Variants in AMBRA1 observed in about 807,000 individuals in gnomAD.
AMBRA1 encodes the protein autophagy and beclin 1 regulator 1.
Under a neutral mutation model 125.4 loss-of-function variants are expected in AMBRA1, and 47 were observed. The ratio of observed to expected loss-of-function variants is 0.37; its 90% CI spans 0.30 to 0.48. AMBRA1 has a LOEUF of 0.48. AMBRA1 is among the 20% of genes least tolerant of loss of function. The pLI, the probability that AMBRA1 is intolerant of heterozygous loss-of-function variation, is 0.99. For synonymous variants in AMBRA1, 626 were observed against 655.5 expected (o/e 0.95, Z 0.69); for missense variants, 1,331 against 1,693.4 (o/e 0.79, Z 3.76).
chr11:46,480,516 C>T (rs1176331469), intron 11 of AMBRA1, among the ~76,000 whole-genome samples: 1 of 152,202 alleles, frequency 6.6e-6, no homozygotes, highest in Non-Finnish European at 1.5e-5. Context: ...GGTTGTGCAA[C>T]CCTCATCCCA....
At chr11:46,496,445 A>G (rs1950633990) in intron 9 of AMBRA1, among the ~76,000 whole-genome samples, 1 of 152,202 alleles carries the variant, frequency 6.6e-6, no homozygotes, top group Admixed American at 6.5e-5. Context: ...GTCAAATCTA[A>G]TTATTCCACA....
intron 11 of AMBRA1, among the ~76,000 whole-genome samples, chr11:46,483,720 T>C (rs541844681): frequency 1.7e-4 from 26 of 152,176 alleles, no homozygotes; most frequent in African/African-American, 4.8e-4. Flanking sequence ...ACCAATATGG[T>C]GAAACCCCAT....
At chr11:46,445,935 A>G (rs752557139) in intron 11 of AMBRA1, among the ~76,000 whole-genome samples, 3 of 152,224 alleles carry the variant, frequency 2.0e-5, no homozygotes, top group Non-Finnish European at 4.4e-5. Flanking sequence ...CAAACAGGAA[A>G]ACAGTTAAGG....
intron 12 of AMBRA1, among the ~76,000 whole-genome samples, chr11:46,440,847 C>T (rs1219240107): frequency 2.0e-5 from 3 of 152,164 alleles, no homozygotes; most frequent in Admixed American, 2.0e-4. Flanking sequence ...GGAAATGCCA[C>T]AGACAGAGAA....
chr11:46,417,893 C>G lies in AMBRA1; in HGVS notation c.3116+20G>C. Reference sequence around the variant, plus strand: ...CTCGGCCCCAGTGATCCCTCAACCCCCACACTTTAAGCCACTTACTCTGGT... The same window carrying G: ...CTCGGCCCCAGTGATCCCTCAACCCGCACACTTTAAGCCACTTACTCTGGT... On this transcript the variant is annotated intron_variant, in intron 15 of 17. Transcript: ENST00000683756. The G allele has an allele frequency of 6.3e-7, 1 of 1,593,232 alleles. No homozygotes were observed. The highest frequency in any genetic ancestry group is 8.6e-7 in the Non-Finnish European group (1 of 1,165,180).
At chr11:46,449,914 C>T (rs985098692) in intron 11 of AMBRA1, among the ~76,000 whole-genome samples, 57 of 152,062 alleles carry the variant, frequency 3.7e-4, no homozygotes, top group Admixed American at 1.3e-4. Context: ...CAAAAATTAG[C>T]GGGGCGTGGT....
chr11:46,462,089 C>T (rs1394118460), intron 11 of AMBRA1, among the ~76,000 whole-genome samples: 2 of 152,256 alleles, frequency 1.3e-5, no homozygotes, highest in East Asian at 3.9e-4. Flanking sequence ...AAATTTCTAG[C>T]TTTTACAAGA....
rs73467929 is a variant in AMBRA1, at chr11:46,503,138, C to T, written c.2339+5053G>A. Among the ~76,000 whole-genome samples, 233 of 149,414 alleles carry T rather than the reference C, an allele frequency of 1.6e-3. 2 individuals are homozygous for T. The highest frequency in any genetic ancestry group is 5.5e-3 in the African/African-American group (224 of 40,580). On this transcript the variant is annotated intron_variant, in intron 9 of 17. Transcript: ENST00000683756. ...CTTGGCTGTTTATAGCAGAAGAGGA[C>T]TAGCTTCTGGCCTATCTCAAGTTTC...
intron 9 of AMBRA1, among the ~76,000 whole-genome samples, chr11:46,498,801 C>A (rs568792398): frequency 6.6e-6 from 1 of 152,206 alleles, no homozygotes; most frequent in African/African-American, 2.4e-5. Flanking sequence ...GTCCTCTTGA[C>A]AGTATACAGT....
chr11:46,459,624 T>C (rs1167025798), intron 11 of AMBRA1, among the ~76,000 whole-genome samples: 1 of 151,426 alleles, frequency 6.6e-6, no homozygotes, highest in African/African-American at 2.4e-5. Flanking sequence ...GGCAGGAGAA[T>C]TGCTCGGACC....
chr11:46,520,807 G>A (rs1319320773), intron 7 of AMBRA1, among the ~76,000 whole-genome samples: 1 of 149,900 alleles, frequency 6.7e-6, no homozygotes, highest in Non-Finnish European at 1.5e-5. Flanking sequence ...GGGTTTCACT[G>A]TGTTAGCCAG....
At chr11:46,589,987 G>A (rs748199294) in intron 1 of AMBRA1, among the ~76,000 whole-genome samples, 8 of 152,008 alleles carry the variant, frequency 5.3e-5, no homozygotes, top group Non-Finnish European at 1.2e-4. Flanking sequence ...GTTTGGATTT[G>A]ATATTAATAA....
chr11:46,470,511 C>A (rs1362989679), intron 11 of AMBRA1, among the ~76,000 whole-genome samples: 1 of 150,916 alleles, frequency 6.6e-6, no homozygotes, highest in African/African-American at 2.5e-5. Flanking sequence ...ATGGCGTGAA[C>A]CCGGGAGGCA....
intron 1 of AMBRA1, among the ~76,000 whole-genome samples, chr11:46,576,144 A>G (rs2043954054): frequency 6.6e-6 from 1 of 152,208 alleles, no homozygotes; most frequent in South Asian, 2.1e-4. Flanking sequence ...AAGATAAGGA[A>G]GACATCCCTG....
intron 8 of AMBRA1, among the ~76,000 whole-genome samples, chr11:46,508,613 G>C (rs1951149601): frequency 6.6e-6 from 1 of 152,214 alleles, no homozygotes; most frequent in South Asian, 2.1e-4. Context: ...CATCTTCTGA[G>C]GAAAAGCTGC....
chr11:46,585,159 CGTTAAGAGT>C (rs1396340546), intron 1 of AMBRA1, among the ~76,000 whole-genome samples: 2 of 151,918 alleles, frequency 1.3e-5, no homozygotes, highest in African/African-American at 4.8e-5. Flanking sequence ...GCAGCATGCT[CGTTAAGAGT>C]CATCACCACT....
intron 1 of AMBRA1, among the ~76,000 whole-genome samples, chr11:46,567,274 T>G (rs938999411): frequency 2.6e-5 from 4 of 152,116 alleles, no homozygotes. Flanking sequence ...GTTTCACCAT[T>G]TTGGCCAGAC....
Position 46,397,366 on chromosome 11 carries a change from T to C in AMBRA1, c.*84A>G. On this transcript the variant is annotated 3_prime_UTR_variant, in exon 18 of 18. Transcript: ENST00000683756. ...TGTTCCCTGATGCAGCCAGCAGCTC[T>C]TCCACATGTCCAGTTCCCAGTCAGC... The C allele has an allele frequency of 7.1e-7, 1 of 1,408,134 alleles. No individual in the cohort carries two copies. Among genetic ancestry groups the C allele is most frequent in the South Asian group, 1.9e-5 (1 of 51,914 alleles). 87.2% of individuals were successfully genotyped at this position (1,408,134 alleles called of 1,614,324 possible). A position where few individuals can be genotyped will look rare whatever the true frequency, so the allele number is the denominator to read the frequency against.
chr11:46,513,264 TTTTC>T lies in AMBRA1; in HGVS notation c.2073-455_2073-452del, dbSNP rs1485159736. Among the ~76,000 whole-genome samples the T allele has an allele frequency of 2.7e-3, 385 of 145,014 alleles. 1 individual carries two copies. Among genetic ancestry groups the T allele is most frequent in the African/African-American group, 9.9e-3 (366 of 36,794 alleles). The stretch of plus-strand genomic sequence containing the variant: ...TCCATTCTGCTCTGCCTACGCTCTT[TTTTC>T]TTTTTTTTTTTTTTGTGAGAATTGA... On this transcript the variant is annotated intron_variant, in intron 7 of 17. Coordinates refer to ENST00000683756, the MANE Select transcript of AMBRA1 (RefSeq NM_001387011.1).
Sources: allele counts gnomAD v4.1 joint callset (sites outside exome capture counted in the v4.1 genomes callset), GRCh38; gene constraint gnomAD v4.1.1; transcripts MANE v1.5; gene names NCBI Gene and HGNC (gene_info 2026-07-23, HGNC 2026-07-21).